The following MOV10L1 variants were observed in gnomAD, a reference collection of about 807,000 sequenced individuals.
MOV10L1 encodes Mov10 like RNA helicase 1.
MOV10L1 carries 110 observed loss-of-function variants against 143.8 expected under a neutral mutation model. The ratio of observed to expected loss-of-function variants is 0.76; its 90% CI spans 0.66 to 0.90. The LOEUF (loss-of-function observed/expected upper bound fraction) is 0.90, where lower values mean the gene tolerates loss of function less well. MOV10L1 is among the 40% of genes least tolerant of loss of function. The probability of loss-of-function intolerance (pLI) is 0.00; values close to 1 mark genes in which losing one functional copy is unlikely to be tolerated. For synonymous variants in MOV10L1, 593 were observed against 581.1 expected, an observed-to-expected ratio of 1.02 and a Z score of -0.29; for missense variants, 1,406 against 1,526.8, an observed-to-expected ratio of 0.92 and a Z score of 1.32.
chr22:50,113,402 C>G lies in MOV10L1; in HGVS notation c.744-246C>G, dbSNP rs754582153. 1.3e-5 allele frequency among the ~76,000 whole-genome samples: 2 copies of G among 152,288 alleles called. 1 individual carries two copies. Among genetic ancestry groups the G allele is most frequent in the Admixed American group, 1.3e-4 (2 of 15,306 alleles). On this transcript the variant is annotated intron_variant, in intron 5 of 26. Transcript: ENST00000262794. Reference sequence around the variant, plus strand: ...GTGCTGGGGAGCACGTTCAGGACACCGTTCTCAGACTCCTTGCCTGTGGCT... The same window carrying G: ...GTGCTGGGGAGCACGTTCAGGACACGGTTCTCAGACTCCTTGCCTGTGGCT...
At chr22:50,090,384 C>T in intron 1 of MOV10L1, 199 bp downstream of exon 1, 2 of 1,549,626 alleles carry the variant, frequency 1.3e-6, no homozygotes, top group South Asian at 2.4e-5. Flanking sequence ...CTCTGGGCGC[C>T]CGTCCTCTGT....
intron 3 of MOV10L1, among the ~76,000 whole-genome samples, chr22:50,100,844 C>G (rs1266072534): frequency 6.6e-6 from 1 of 152,160 alleles, no homozygotes; most frequent in Non-Finnish European, 1.5e-5. Flanking sequence ...TTTGGCTGAT[C>G]AAAGGATTTG....
chr22:50,103,186 G>A (rs1441956015), intron 3 of MOV10L1, among the ~76,000 whole-genome samples: 2 of 152,254 alleles, frequency 1.3e-5, no homozygotes, highest in Non-Finnish European at 2.9e-5. Context: ...GGGAGCAAAT[G>A]TGGACAGCGT....
chr22:50,125,558 C>T lies in MOV10L1; in HGVS notation c.1736C>T (p.Ser579Phe). The T allele has an allele frequency of 6.2e-7, 1 of 1,614,050 alleles. No homozygotes were observed. Among genetic ancestry groups the T allele is most frequent in the Non-Finnish European group, 8.5e-7 (1 of 1,180,004 alleles). The change falls in exon 11 of 27, where the codon TCT becomes TTT. Residue 579 changes from serine (S) to phenylalanine (F), a missense_variant. Transcript: ENST00000262794. Reference sequence around the variant, plus strand: ...CCAGGGTTGGCCGAAGGGAGGCCTTCTCTCTACGCAGGTGTGTTTGTTACT... The same window carrying T: ...CCAGGGTTGGCCGAAGGGAGGCCTTTTCTCTACGCAGGTGTGTTTGTTACT... ...EVPGLAEGRPSLYAGDKLILK... is the reference protein window; with the variant it reads ...EVPGLAEGRPFLYAGDKLILK...
intron 8 of MOV10L1, 92 bp downstream of exon 8, chr22:50,115,338 G>A: frequency 7.3e-7 from 1 of 1,360,672 alleles, no homozygotes; most frequent in Non-Finnish European, 9.6e-7. Flanking sequence ...TTTGTGGCGG[G>A]TGGATCACCT....
chr22:50,116,306 G>A (rs183980205), intron 8 of MOV10L1, among the ~76,000 whole-genome samples: 163 of 152,014 alleles, frequency 1.1e-3, no homozygotes, highest in African/African-American at 3.9e-3. Flanking sequence ...AATTAGCTGG[G>A]CGTGGTGGCG....
At chr22:50,116,799 G>A (rs1405878638) in intron 8 of MOV10L1, among the ~76,000 whole-genome samples, 1 of 151,146 alleles carries the variant, frequency 6.6e-6, no homozygotes, top group East Asian at 2.0e-4. Flanking sequence ...GGAACCACAG[G>A]CACACGCCTC....
At chr22:50,137,025 G>A (rs750839683) in intron 15 of MOV10L1, among the ~76,000 whole-genome samples, 2 of 152,166 alleles carry the variant, frequency 1.3e-5, no homozygotes, top group Non-Finnish European at 2.9e-5. Flanking sequence ...CTCAAAAGAA[G>A]CAAGCTGTTC....
At chr22:50,144,389 G>A (rs1234964051) in intron 18 of MOV10L1, 146 bp downstream of exon 18, 7 of 1,006,072 alleles carry the variant, frequency 7.0e-6, no homozygotes, top group Non-Finnish European at 9.8e-6. Context: ...TCTGCCATGG[G>A]CCCTCCCTCA....
chr22:50,131,479 A>G (rs1474281127), intron 13 of MOV10L1, among the ~76,000 whole-genome samples: 2 of 152,164 alleles, frequency 1.3e-5, no homozygotes, highest in African/African-American at 4.8e-5. Flanking sequence ...GTTTTCTTTC[A>G]CAGATCTTTT....
chr22:50,120,858 G>A (rs1209010071), intron 10 of MOV10L1, among the ~76,000 whole-genome samples: 4 of 152,252 alleles, frequency 2.6e-5, no homozygotes, highest in Non-Finnish European at 4.4e-5. Flanking sequence ...CACGCACAGG[G>A]CCTTTGGGGT....
At chr22:50,118,022 G>C (rs985466301) in intron 9 of MOV10L1, among the ~76,000 whole-genome samples, 2 of 152,148 alleles carry the variant, frequency 1.3e-5, no homozygotes, top group African/African-American at 4.8e-5. Context: ...TGATGGGTTT[G>C]AGCTCTGCTA....
In MOV10L1 at chr22:50,115,185, G is replaced by A. The variant is rs760280173; in HGVS notation, c.1198G>A (p.Glu400Lys). ...ATCAAGGAAGCAGATGACAGAGCCTGAGCCTGGGGGGCTTGTCCCTCCAGG... is the reference window on the plus strand; with the variant it reads ...ATCAAGGAAGCAGATGACAGAGCCTAAGCCTGGGGGGCTTGTCCCTCCAGG... ...ILSRKQMTEPEPGGLVPPGGK... is the reference protein window; with the variant it reads ...ILSRKQMTEPKPGGLVPPGGK... The change falls in exon 8 of 27, where the codon GAG becomes AAG. Residue 400 changes from glutamate to lysine, a missense_variant. Transcript: ENST00000262794. 1 of 1,562,834 alleles carries A rather than the reference G, an allele frequency of 6.4e-7. No homozygotes were observed. The highest frequency in any genetic ancestry group is 8.6e-7 in the Non-Finnish European group (1 of 1,162,806).
At chr22:50,127,253 C>A (rs1442040665) in intron 12 of MOV10L1, among the ~76,000 whole-genome samples, 2 of 152,214 alleles carry the variant, frequency 1.3e-5, no homozygotes, top group African/African-American at 4.8e-5. Flanking sequence ...GAGGAAGGCA[C>A]CTGCCTGCCT....
chr22:50,145,555 T>G (rs999537778), intron 18 of MOV10L1, 134 bp from the exon 19 acceptor site: 2 of 1,090,728 alleles, frequency 1.8e-6, no homozygotes, highest in Admixed American at 2.1e-5. Context: ...TAAGGAAGTA[T>G]GAGATATTTT....
chr22:50,151,721 G>T (rs139165566), intron 21 of MOV10L1, among the ~76,000 whole-genome samples: 3 of 152,344 alleles, frequency 2.0e-5, no homozygotes, highest in African/African-American at 4.8e-5. Context: ...GCCTGTACCC[G>T]CTAGCTGCTT....
At chr22:50,129,813 G>A (rs1266476140) in intron 13 of MOV10L1, among the ~76,000 whole-genome samples, 2 of 152,190 alleles carry the variant, frequency 1.3e-5, no homozygotes, top group Non-Finnish European at 1.5e-5. Context: ...CTTCTTGTTC[G>A]TGGGCCGTAA....
intron 21 of MOV10L1, among the ~76,000 whole-genome samples, chr22:50,151,315 A>G (rs1424739464): frequency 6.6e-6 from 1 of 152,220 alleles, no homozygotes; most frequent in Non-Finnish European, 1.5e-5. Context: ...TGGAGCCCCC[A>G]GCACACTGAG....
chr22:50,123,160 C>T (rs538417042), intron 10 of MOV10L1, among the ~76,000 whole-genome samples: 8 of 145,774 alleles, frequency 5.5e-5, no homozygotes, highest in South Asian at 4.3e-4. Flanking sequence ...CGCACCATTG[C>T]GCTCCAGCCT....
Sources: allele counts gnomAD v4.1 joint callset (sites outside exome capture counted in the v4.1 genomes callset), GRCh38; gene constraint gnomAD v4.1.1; transcripts MANE v1.5; gene names NCBI Gene and HGNC (gene_info 2026-07-23, HGNC 2026-07-21).